The following FBXL7 variants were observed in gnomAD, a reference collection of about 807,000 sequenced individuals.
FBXL7 encodes the protein F-box/LRR-repeat protein 7.
In FBXL7, 12 loss-of-function variants were observed where a neutral mutation model predicts 38.3. The observed-to-expected ratio is 0.31, with a 90% CI of 0.20 to 0.51. The LOEUF (loss-of-function observed/expected upper bound fraction) is 0.51, where lower values mean the gene tolerates loss of function less well. Ranked by LOEUF, FBXL7 falls within the 20% of genes least tolerant of loss-of-function variation. FBXL7 has a pLI of 0.98. For missense variants in FBXL7, 567 were observed against 676.4 expected, an observed-to-expected ratio of 0.84 and a Z score of 1.79; for synonymous variants, 297 against 300.9, an observed-to-expected ratio of 0.99 and a Z score of 0.13.
intron 1 of FBXL7, among the ~76,000 whole-genome samples, chr5:15,540,809 TG>T (rs1370276196): frequency 6.6e-6 from 1 of 152,084 alleles, no homozygotes; most frequent in African/African-American, 2.4e-5. Context: ...GAGAGCTCTC[TG>T]GGGTCCCTTT....
At chr5:15,884,288 A>G (rs1375567078) in intron 2 of FBXL7, among the ~76,000 whole-genome samples, 1 of 133,540 alleles carries the variant, frequency 7.5e-6, no homozygotes, top group Non-Finnish European at 1.6e-5. Context: ...TTTTTTTGAG[A>G]TGGAGTCTCG....
chr5:15,776,264 G>A (rs1736856213), intron 2 of FBXL7, among the ~76,000 whole-genome samples: 1 of 152,076 alleles, frequency 6.6e-6, no homozygotes, highest in African/African-American at 2.4e-5. Context: ...ATATAGATGA[G>A]TATAGTAAGT....
chr5:15,550,865 G>T (rs1738046776), intron 1 of FBXL7, among the ~76,000 whole-genome samples: 1 of 152,180 alleles, frequency 6.6e-6, no homozygotes, highest in Non-Finnish European at 1.5e-5. Flanking sequence ...TGGGCCATGG[G>T]CCTGCCCACT....
chr5:15,745,563 T>C (rs1415303177), intron 2 of FBXL7, among the ~76,000 whole-genome samples: 1 of 152,184 alleles, frequency 6.6e-6, no homozygotes, highest in Non-Finnish European at 1.5e-5. Flanking sequence ...TGACTCAGGG[T>C]AGCAGTGCTG....
intron 2 of FBXL7, among the ~76,000 whole-genome samples, chr5:15,674,440 G>A (rs1387842779): frequency 3.3e-5 from 5 of 152,176 alleles, no homozygotes; most frequent in Non-Finnish European, 5.9e-5. Flanking sequence ...TGACCATATT[G>A]AGAAAAGGTC....
At chr5:15,759,086 C>T (rs1736373794) in intron 2 of FBXL7, among the ~76,000 whole-genome samples, 1 of 152,186 alleles carries the variant, frequency 6.6e-6, no homozygotes, top group African/African-American at 2.4e-5. Context: ...GCCTGAGGCA[C>T]ATACTATAAG....
intron 2 of FBXL7, among the ~76,000 whole-genome samples, chr5:15,750,101 G>A (rs1299815550): frequency 6.6e-6 from 1 of 152,136 alleles, no homozygotes; most frequent in African/African-American, 2.4e-5. Context: ...AAACATAAGA[G>A]CCTTCTTTGT....
intron 2 of FBXL7, among the ~76,000 whole-genome samples, chr5:15,655,450 C>T (rs1303101202): frequency 2.7e-5 from 4 of 150,850 alleles, no homozygotes; most frequent in African/African-American, 7.3e-5. Context: ...GCCGAGATCT[C>T]GTCACTGCAC....
chr5:15,904,963 G>C (rs1191045942), intron 2 of FBXL7, among the ~76,000 whole-genome samples: 2 of 152,082 alleles, frequency 1.3e-5, no homozygotes, highest in African/African-American at 4.8e-5. Context: ...TTTTATGATT[G>C]AGTTATAAGC....
chr5:15,690,464 A>G lies in FBXL7; in HGVS notation c.127+74392A>G, dbSNP rs75215506. Among the ~76,000 whole-genome samples, 1,351 of 152,326 alleles carry G rather than the reference A, an allele frequency of 8.9e-3. 11 individuals are homozygous for G. Among genetic ancestry groups the G allele is most frequent in the African/African-American group, 0.031 (1,290 of 41,576 alleles). On this transcript the variant is annotated intron_variant, in intron 2 of 3. Transcript: ENST00000504595. ...GGGCTACAGTATGATGTTTCAGTAC[A>G]TGTATACTTTGTATAATGATCAAAT... is the stretch of plus-strand genomic sequence containing the variant.
intron 2 of FBXL7, among the ~76,000 whole-genome samples, chr5:15,866,748 GA>G (rs1579540412): frequency 7.0e-6 from 1 of 142,444 alleles, no homozygotes; most frequent in East Asian, 2.1e-4. Context: ...ACTTATAAGT[GA>G]GAATATGCGG....
chr5:15,599,050 C>T (rs1379971919), intron 1 of FBXL7, among the ~76,000 whole-genome samples: 2 of 152,164 alleles, frequency 1.3e-5, no homozygotes, highest in Admixed American at 6.5e-5. Flanking sequence ...TTCTCTGTTT[C>T]TCTGTGCTCA....
chr5:15,515,022 T>G (rs1406550925), intron 1 of FBXL7, among the ~76,000 whole-genome samples: 1 of 152,186 alleles, frequency 6.6e-6, no homozygotes, highest in Non-Finnish European at 1.5e-5. Flanking sequence ...CCACGGGTAT[T>G]TTCCAATAAA....
chr5:15,738,357 A>T (rs1247966547), intron 2 of FBXL7, among the ~76,000 whole-genome samples: 1 of 152,246 alleles, frequency 6.6e-6, no homozygotes, highest in African/African-American at 2.4e-5. Context: ...CAAAAAATAT[A>T]TAATTAGGAA....
intron 2 of FBXL7, among the ~76,000 whole-genome samples, chr5:15,662,153 G>A (rs1742102438): frequency 6.6e-6 from 1 of 152,150 alleles, no homozygotes; most frequent in African/African-American, 2.4e-5. Context: ...CAGTGTATAA[G>A]TGTTCCCTTT....
At chr5:15,733,690 A>G (rs1469972829) in intron 2 of FBXL7, among the ~76,000 whole-genome samples, 1 of 152,248 alleles carries the variant, frequency 6.6e-6, no homozygotes, top group African/African-American at 2.4e-5. Context: ...GGTAGCGGCA[A>G]GCTTCTCCAG....
chr5:15,934,436 A>T (rs951391489), intron 3 of FBXL7, among the ~76,000 whole-genome samples: 2 of 152,006 alleles, frequency 1.3e-5, no homozygotes, highest in Non-Finnish European at 2.9e-5. Flanking sequence ...ATATATAGAG[A>T]ACTTAAATAT....
intron 2 of FBXL7, among the ~76,000 whole-genome samples, chr5:15,781,491 A>G (rs989140413): frequency 1.3e-5 from 2 of 151,784 alleles, no homozygotes; most frequent in African/African-American, 4.8e-5. Flanking sequence ...GTATAAGAGT[A>G]AAATAGTATA....
intron 2 of FBXL7, among the ~76,000 whole-genome samples, chr5:15,682,232 A>G (rs1295284568): frequency 6.6e-6 from 1 of 152,164 alleles, no homozygotes; most frequent in African/African-American, 2.4e-5. Flanking sequence ...ATAAGAAGAG[A>G]TACTGTCGAG....
Sources: gnomAD v4.1 joint callset for allele counts (sites outside exome capture counted in the v4.1 genomes callset) on GRCh38, gnomAD v4.1.1 for gene constraint, MANE v1.5 for transcripts, NCBI Gene and HGNC (gene_info 2026-07-23, HGNC 2026-07-21) for gene names.